EYS: variants seen among roughly 807,000 people sequenced by gnomAD.
EYS encodes EGF-like photoreceptor maintenance factor.
Under a neutral mutation model 282.1 loss-of-function variants are expected in EYS, and 250 were observed. The ratio of observed to expected loss-of-function variants is 0.89; its 90% CI spans 0.80 to 0.98. The LOEUF (loss-of-function observed/expected upper bound fraction) is 0.98. Ranked by LOEUF, EYS falls within the 50% of genes least tolerant of loss-of-function variation. The probability of loss-of-function intolerance (pLI) is 0.00; values close to 1 mark genes in which losing one functional copy is unlikely to be tolerated. For synonymous variants in EYS, 1,355 were observed against 1,282.9 expected (o/e 1.06, Z -1.20); for missense variants, 4,016 against 3,709.0 (o/e 1.08, Z -2.15).
chr6:64,282,923 A>C (rs1950341), intron 30 of EYS, among the ~76,000 whole-genome samples: 114,688 of 152,086 alleles, frequency 0.75, 43,876 homozygotes, highest in African/African-American at 0.9. Flanking sequence ...CAGATGGCAG[A>C]CAGAATCACA....
At chr6:64,074,326 T>C (rs1771690975) in intron 32 of EYS, among the ~76,000 whole-genome samples, 1 of 151,034 alleles carries the variant, frequency 6.6e-6, no homozygotes, top group African/African-American at 2.4e-5. Context: ...AATATATATG[T>C]ATATATAATT....
intron 9 of EYS, among the ~76,000 whole-genome samples, chr6:65,348,962 C>T (rs1018942161): frequency 1.3e-5 from 2 of 151,604 alleles, no homozygotes; most frequent in East Asian, 3.9e-4. Flanking sequence ...CCAACATTCT[C>T]TAATATTTTT....
At chr6:65,363,518 T>C (rs543671421) in intron 8 of EYS, among the ~76,000 whole-genome samples, 1 of 152,054 alleles carries the variant, frequency 6.6e-6, no homozygotes. Context: ...GTAAATGTTA[T>C]GATTGATGTT....
chr6:64,583,302 C>CA (rs779632872), intron 26 of EYS, among the ~76,000 whole-genome samples: 14 of 150,522 alleles, frequency 9.3e-5, no homozygotes, highest in Admixed American at 1.3e-4. Flanking sequence ...AAACATTATT[C>CA]AAAAAAAACC....
intron 8 of EYS, among the ~76,000 whole-genome samples, chr6:65,357,233 T>G (rs1051202314): frequency 6.6e-6 from 1 of 152,070 alleles, no homozygotes; most frequent in African/African-American, 2.4e-5. Context: ...TTCAGTTTGT[T>G]AACTTCTTAA....
chr6:65,341,710 G>A (rs1336211274), intron 10 of EYS, among the ~76,000 whole-genome samples: 2 of 151,020 alleles, frequency 1.3e-5, no homozygotes, highest in Non-Finnish European at 3.0e-5. Flanking sequence ...TTTGAAAATA[G>A]GTTTTTCTTC....
chr6:64,575,822 G>C (rs372654245), intron 26 of EYS, among the ~76,000 whole-genome samples: 33 of 152,228 alleles, frequency 2.2e-4, no homozygotes, highest in East Asian at 1.5e-3. Context: ...ATAAACTAAA[G>C]AGAGTATATG....
intron 2 of EYS, among the ~76,000 whole-genome samples, chr6:65,550,154 T>TGCTAGC (rs1562254272): frequency 7.0e-4 from 6 of 8,602 alleles, no homozygotes; most frequent in African/African-American, 5.7e-3. Context: ...TTTTTTTTTT[T>TGCTAGC]TTTTTTTTTT....
intron 5 of EYS, among the ~76,000 whole-genome samples, chr6:65,421,631 C>A (rs1767457073): frequency 2.0e-5 from 3 of 151,940 alleles, no homozygotes; most frequent in African/African-American, 7.2e-5. Flanking sequence ...GAGCTTTCCA[C>A]ATGATTTCCT....
At chr6:65,378,256 T>C (rs541110235) in intron 8 of EYS, among the ~76,000 whole-genome samples, 2 of 152,246 alleles carry the variant, frequency 1.3e-5, no homozygotes, top group South Asian at 4.1e-4. Flanking sequence ...AAAGAAGACA[T>C]TTATGCAGTC....
intron 35 of EYS, among the ~76,000 whole-genome samples, chr6:63,955,017 AG>A (rs1335062704): frequency 6.6e-6 from 1 of 152,148 alleles, no homozygotes; most frequent in African/African-American, 2.4e-5. Context: ...GCCCCTGTGA[AG>A]GACTGGCAAA....
chr6:64,901,884 C>T lies in EYS; in HGVS notation c.2846+229G>A, dbSNP rs11754649. 0.087 allele frequency among the ~76,000 whole-genome samples: 13,304 copies of T among 152,146 alleles called. 682 individuals carry two copies. The highest frequency in any genetic ancestry group is 0.14 in the African/African-American group (5,841 of 41,500). On this transcript the variant is annotated intron_variant, in intron 18 of 42. Transcript: ENST00000503581. The stretch of plus-strand genomic sequence containing the variant: ...AACATGGAAACTAAGGAGCATTTTG[C>T]TCAGGCACACATACAAATAGCACTA...
At chr6:64,545,657 G>C (rs1441613591) in intron 26 of EYS, among the ~76,000 whole-genome samples, 1 of 152,096 alleles carries the variant, frequency 6.6e-6, no homozygotes, top group African/African-American at 2.4e-5. Flanking sequence ...CAAGCTGATA[G>C]GCAACTTCAG....
intron 12 of EYS, among the ~76,000 whole-genome samples, chr6:65,106,554 C>T (rs1237719866): frequency 1.3e-5 from 2 of 152,016 alleles, no homozygotes; most frequent in African/African-American, 4.8e-5. Context: ...AGCATTAAAG[C>T]TAATATTTGA....
chr6:64,379,584 T>C (rs537977128), intron 29 of EYS: 3 of 152,268 alleles, frequency 2.0e-5, no homozygotes, highest in Admixed American at 2.0e-4. Flanking sequence ...TTTTTGTTAG[T>C]TTTAAAATGA....
intron 31 of EYS, among the ~76,000 whole-genome samples, chr6:64,198,321 T>A (rs1765360319): frequency 6.6e-6 from 1 of 152,076 alleles, no homozygotes; most frequent in African/African-American, 2.4e-5. Flanking sequence ...ATTTTTTTAT[T>A]ATTATACTTT....
chr6:63,839,899 C>A (rs752356856), intron 36 of EYS, among the ~76,000 whole-genome samples: 1 of 152,006 alleles, frequency 6.6e-6, no homozygotes, highest in Non-Finnish European at 1.5e-5. Flanking sequence ...TGATAATAAC[C>A]ATTTTAACTG....
chr6:65,149,518 T>A (rs1250203426), intron 12 of EYS, among the ~76,000 whole-genome samples: 2 of 152,026 alleles, frequency 1.3e-5, no homozygotes, highest in Admixed American at 1.3e-4. Context: ...TTCTGTCTTC[T>A]TCTGAGCCCT....
At chr6:63,913,571 T>C (rs1200289522) in intron 35 of EYS, among the ~76,000 whole-genome samples, 1 of 152,242 alleles carries the variant, frequency 6.6e-6, no homozygotes, top group Non-Finnish European at 1.5e-5. Context: ...TTTGAAAATG[T>C]CATATAAATT....
Sources: gnomAD v4.1 joint callset for allele counts (sites outside exome capture counted in the v4.1 genomes callset) on GRCh38, gnomAD v4.1.1 for gene constraint, MANE v1.5 for transcripts, NCBI Gene and HGNC (gene_info 2026-07-23, HGNC 2026-07-21) for gene names.